TMEM237: variants seen among roughly 807,000 people sequenced by gnomAD.
TMEM237 encodes the protein amyotrophic lateral sclerosis 2 (juvenile) chromosome region, candidate 4.
A neutral mutation model predicts 59.1 loss-of-function variants in TMEM237; 51 were observed. The observed-to-expected ratio is 0.86, with a 90% CI of 0.69 to 1.09. TMEM237 has a LOEUF of 1.09. Among genes scored for constraint, TMEM237 ranks in the 50% least tolerant of loss-of-function variants. TMEM237 has a pLI of 0.00. For missense variants in TMEM237, 475 were observed against 478.3 expected, an observed-to-expected ratio of 0.99 and a Z score of 0.06; for synonymous variants, 140 against 166.1, an observed-to-expected ratio of 0.84 and a Z score of 1.21.
intron 6 of TMEM237, among the ~76,000 whole-genome samples, chr2:201,632,458 C>G (rs1053431612): frequency 6.6e-6 from 1 of 152,136 alleles, no homozygotes; most frequent in Non-Finnish European, 1.5e-5. Flanking sequence ...AAATTTAAAA[C>G]TGTATGATTC....
chr2:201,626,808 G>A (rs918398975), intron 11 of TMEM237, among the ~76,000 whole-genome samples: 10 of 152,204 alleles, frequency 6.6e-5, no homozygotes, highest in Non-Finnish European at 8.8e-5. Context: ...TTGGCTGGGC[G>A]CAGTGGCTCA....
rs1466574515 is a variant in TMEM237, at chr2:201,632,133, T to C, written c.471A>G (p.Gln157=). 1.2e-6 allele frequency: 2 copies of C among 1,613,936 alleles called. No individual in the cohort carries two copies. The highest frequency in any genetic ancestry group is 1.3e-5 in the African/African-American group (1 of 75,052). ...ATACAGACTGCTGTTCCACAGTAGT[T>C]TGCTCATCAGTGATTATGTCTTCAT... ...VEDEDIITDE[Q]TTVEQQSVFT... Residue 157 remains glutamine, a synonymous_variant, in exon 7 of 13, where the codon CAA becomes CAG. Coordinates refer to ENST00000409883, the MANE Select transcript of TMEM237 (RefSeq NM_001044385.3).
In TMEM237 at chr2:201,623,076, GC is replaced by G. The variant is rs1413109735; in HGVS notation, c.*1178del. The G allele has an allele frequency of 1.1e-5, 2 of 179,654 alleles. No individual in the cohort carries two copies. The highest frequency in any genetic ancestry group is 1.2e-5 in the Non-Finnish European group (1 of 81,066). 11.1% of individuals were successfully genotyped at this position (179,654 alleles called of 1,614,324 possible). The stretch of plus-strand genomic sequence containing the variant: ...GGAGAATCCCTTTTCGGCAGCTCCA[GC>G]CTTACAAACAGCAAAAGAGATTCCC... On this transcript the variant is annotated 3_prime_UTR_variant, in exon 13 of 13. Transcript: ENST00000409883.
chr2:201,638,785 G>A (rs763211462), intron 4 of TMEM237: 50 of 594,384 alleles, frequency 8.4e-5, no homozygotes, highest in African/African-American at 7.2e-4. Flanking sequence ...CCATGAATGC[G>A]TCCAGATACT....
chr2:201,642,667 A>G, intron 1 of TMEM237: 1 of 1,606,678 alleles, frequency 6.2e-7, no homozygotes, highest in Non-Finnish European at 8.5e-7. Context: ...GCCCCCAAGC[A>G]CCTGGCGCCC....
intron 11 of TMEM237, among the ~76,000 whole-genome samples, chr2:201,627,079 C>CA (rs1957766039): frequency 8.6e-6 from 1 of 115,654 alleles, no homozygotes; most frequent in African/African-American, 3.0e-5. Context: ...GACTCTATCT[C>CA]GAAAAAAAAA....
intron 3 of TMEM237, among the ~76,000 whole-genome samples, chr2:201,639,863 G>A (rs2105903901): frequency 6.6e-6 from 1 of 152,272 alleles, no homozygotes; most frequent in Middle Eastern, 3.4e-3. Context: ...GAAAGGTAAT[G>A]GTCCCCCATT....
chr2:201,640,319 A>C, intron 2 of TMEM237, 54 bp from the exon 3 acceptor site: 6 of 1,502,766 alleles, frequency 4.0e-6, no homozygotes, highest in Non-Finnish European at 5.3e-6. Context: ...AAGACAAAAA[A>C]GAAACAATTA....
chr2:201,642,713 T>C (rs774084700), intron 1 of TMEM237: 1 of 1,556,760 alleles, frequency 6.4e-7, no homozygotes, highest in East Asian at 2.4e-5. Context: ...GCAGGCGCAA[T>C]GCGTCATCGG....
intron 7 of TMEM237, chr2:201,631,434 C>A (rs371083506): frequency 6.6e-6 from 1 of 152,240 alleles, no homozygotes; most frequent in Non-Finnish European, 1.5e-5. Context: ...TACAATGTCA[C>A]AACTATCTTG....
chr2:201,637,340 G>C (rs1266675333), intron 4 of TMEM237, among the ~76,000 whole-genome samples: 1 of 152,188 alleles, frequency 6.6e-6, no homozygotes. Context: ...TAATTTATAA[G>C]TCTCTTCATT....
intron 11 of TMEM237, 48 bp downstream of exon 11, chr2:201,627,273 T>C (rs768933454): frequency 5.3e-6 from 7 of 1,328,238 alleles, no homozygotes; most frequent in Non-Finnish European, 2.1e-6. Flanking sequence ...ATAAGAAAAG[T>C]TGCTGTTATT....
Position 201,626,008 on chromosome 2 carries a change from AT to A in TMEM237, c.1159+17del, listed in dbSNP as rs766664373. On this transcript the variant is annotated intron_variant, in intron 12 of 12. Transcript: ENST00000409883. Reference sequence around the variant, plus strand: ...GAAGATTTCAGGATATTCTTATGCTATTTTTTTTCTTTAATACCTTCACTAA... The same window carrying A: ...GAAGATTTCAGGATATTCTTATGCTATTTTTTTCTTTAATACCTTCACTAA... The A allele has an allele frequency of 1.5e-5, 24 of 1,556,606 alleles. No homozygotes were observed. The highest frequency in any genetic ancestry group is 1.7e-4 in the Middle Eastern group (1 of 5,998).
At chr2:201,633,105 C>T (rs1428075660) in intron 6 of TMEM237, among the ~76,000 whole-genome samples, 1 of 151,378 alleles carries the variant, frequency 6.6e-6, no homozygotes, top group Non-Finnish European at 1.5e-5. Context: ...TAAGTACAAT[C>T]TTAATTTTTT....
intron 6 of TMEM237, among the ~76,000 whole-genome samples, chr2:201,633,085 T>C (rs1687209666): frequency 6.6e-6 from 1 of 152,158 alleles, no homozygotes; most frequent in Admixed American, 6.5e-5. Context: ...GGCTCTTAAG[T>C]TTTTTTATTT....
Position 201,632,039 on chromosome 2 carries a change from G to C in TMEM237, c.553+12C>G. 1 of 1,613,068 alleles carries C rather than the reference G, an allele frequency of 6.2e-7. No individual in the cohort carries two copies. The highest frequency in any genetic ancestry group is 1.7e-5 in the Admixed American group (1 of 59,956). ...TAAAGAGTTCATATTCTAAAACAAG[G>C]CATCTACTTACGGCTTTTTTCCACA... On this transcript the variant is annotated intron_variant, in intron 7 of 12. Coordinates refer to ENST00000409883, the MANE Select transcript of TMEM237 (RefSeq NM_001044385.3).
intron 1 of TMEM237, chr2:201,642,737 G>C: frequency 1.3e-6 from 2 of 1,498,440 alleles, no homozygotes; most frequent in Admixed American, 2.5e-5. Flanking sequence ...GCGCCGCCTG[G>C]CTAGTACCCC....
chr2:201,639,881 T>A (rs565729240), intron 3 of TMEM237, among the ~76,000 whole-genome samples: 2 of 152,192 alleles, frequency 1.3e-5, no homozygotes. Context: ...ATTTTTGCCA[T>A]AGCAGACTTT....
Position 201,633,355 on chromosome 2 carries a change from C to T in TMEM237, c.351G>A (p.Glu117=). 6.3e-7 allele frequency: 1 copy of T among 1,596,616 alleles called. No homozygotes were observed. The highest frequency in any genetic ancestry group is 8.5e-7 in the Non-Finnish European group (1 of 1,171,078). Reference sequence around the variant, plus strand: ...TTTGAATAACTGCCTCCTCAGCTGGCTCCGCATCAATACCATTTTCATTTC... The same window carrying T: ...TTTGAATAACTGCCTCCTCAGCTGGTTCCGCATCAATACCATTTTCATTTC... ...LLRNENGIDA[E]PAEEAVIQKP... The change falls in exon 6 of 13, where the codon GAG becomes GAA. Residue 117 remains glutamate (E), a synonymous_variant. Coordinates refer to ENST00000409883, the MANE Select transcript of TMEM237 (RefSeq NM_001044385.3).
Sources: gnomAD v4.1 joint callset for allele counts (sites outside exome capture counted in the v4.1 genomes callset) on GRCh38, gnomAD v4.1.1 for gene constraint, MANE v1.5 for transcripts, NCBI Gene and HGNC (gene_info 2026-07-23, HGNC 2026-07-21) for gene names.